Variants in ADGRL2 observed in about 807,000 individuals in gnomAD.
ADGRL2 encodes adhesion G protein-coupled receptor L2.
Under a neutral mutation model 157.4 loss-of-function variants are expected in ADGRL2, and 44 were observed. The observed-to-expected ratio is 0.28, with a 90% CI of 0.22 to 0.36. ADGRL2 has a LOEUF of 0.36. Among genes scored for constraint, ADGRL2 ranks in the 10% least tolerant of loss-of-function variants. The pLI is 1.00. For missense variants in ADGRL2, 1,510 were observed against 1,768.9 expected (o/e 0.85, Z 2.63); for synonymous variants, 585 against 624.7 (o/e 0.94, Z 0.95).
At chr1:81,511,795 G>A (rs1365573953) in intron 2 of ADGRL2, among the ~76,000 whole-genome samples, 1 of 151,810 alleles carries the variant, frequency 6.6e-6, no homozygotes, top group Non-Finnish European at 1.5e-5. Flanking sequence ...CAATGTTCCG[G>A]AATTTTTTTT....
intron 1 of ADGRL2, among the ~76,000 whole-genome samples, chr1:81,759,084 C>G (rs545367914): frequency 1.3e-5 from 2 of 152,196 alleles, no homozygotes; most frequent in East Asian, 3.9e-4. Flanking sequence ...ATATATAAGA[C>G]CTGCACTTTA....
At chr1:81,954,198 G>A (rs940650421) in intron 10 of ADGRL2, among the ~76,000 whole-genome samples, 1 of 148,812 alleles carries the variant, frequency 6.7e-6, no homozygotes, top group Non-Finnish European at 1.5e-5. Flanking sequence ...ATACATCGCA[G>A]TTGGAAAAGA....
intron 1 of ADGRL2, among the ~76,000 whole-genome samples, chr1:81,390,236 C>A (rs1434482061): frequency 1.3e-5 from 2 of 152,296 alleles, no homozygotes; most frequent in South Asian, 2.1e-4. Context: ...AAGAATGGTG[C>A]ATGTAGCAAA....
At chr1:81,480,308 G>T (rs1456573320) in intron 2 of ADGRL2, among the ~76,000 whole-genome samples, 1 of 147,734 alleles carries the variant, frequency 6.8e-6, no homozygotes, top group Admixed American at 6.9e-5. Flanking sequence ...GCTAGATAAG[G>T]TAAAAAGTCA....
At chr1:81,920,014 G>T (rs2094941438) in intron 3 of ADGRL2, among the ~76,000 whole-genome samples, 1 of 152,144 alleles carries the variant, frequency 6.6e-6, no homozygotes. Context: ...TTATGCTTGA[G>T]ACTGACAGAG....
chr1:81,575,266 C>T (rs2080775199), intron 2 of ADGRL2, among the ~76,000 whole-genome samples: 1 of 152,134 alleles, frequency 6.6e-6, no homozygotes, highest in South Asian at 2.1e-4. Context: ...TGATGAAGTA[C>T]AGATGAATGT....
intron 2 of ADGRL2, among the ~76,000 whole-genome samples, chr1:81,854,715 G>A (rs951547415): frequency 3.9e-5 from 6 of 152,124 alleles, no homozygotes; most frequent in African/African-American, 1.4e-4. Context: ...TGCATAGGTG[G>A]CATACTCAGC....
Position 81,612,733 on chromosome 1 carries a change from C to T in ADGRL2, c.-143+31753C>T, listed in dbSNP as rs75798981. On this transcript the variant is annotated intron_variant, in intron 3 of 24. Transcript: ENST00000370721. ...ACAATGACGACAAACAAACAAACCC[C>T]TGATAGCTCAATTAAGAAATAGGCT... Among the ~76,000 whole-genome samples the T allele has an allele frequency of 5.7e-3, 874 of 152,082 alleles. 5 individuals are homozygous for T. Among genetic ancestry groups the T allele is most frequent in the African/African-American group, 0.02 (826 of 41,482 alleles).
chr1:81,804,092 C>T (rs561240790), intron 1 of ADGRL2, among the ~76,000 whole-genome samples: 1 of 152,302 alleles, frequency 6.6e-6, no homozygotes, highest in Non-Finnish European at 1.5e-5. Flanking sequence ...AACATTCCAA[C>T]TTGTGATGGG....
At chr1:81,927,261 C>A (rs1312120818) in intron 3 of ADGRL2, among the ~76,000 whole-genome samples, 1 of 151,902 alleles carries the variant, frequency 6.6e-6, no homozygotes, top group East Asian at 1.9e-4. Flanking sequence ...GGAGTGAGGA[C>A]TTTCTGTTTC....
chr1:81,519,012 T>C (rs115685925), intron 2 of ADGRL2, among the ~76,000 whole-genome samples: 255 of 152,282 alleles, frequency 1.7e-3, no homozygotes, highest in African/African-American at 5.9e-3. Context: ...TTTCCCTATG[T>C]ATTTACTCAT....
intron 3 of ADGRL2, among the ~76,000 whole-genome samples, chr1:81,595,716 G>A (rs144980085): frequency 1.8e-4 from 28 of 152,318 alleles, no homozygotes; most frequent in East Asian, 1.5e-3. Flanking sequence ...ATGAGCCTGC[G>A]ATATGAATGT....
chr1:81,966,258 A>C, intron 12 of ADGRL2, 75 bp downstream of exon 12: 1 of 1,589,202 alleles, frequency 6.3e-7, no homozygotes, highest in South Asian at 1.1e-5. Flanking sequence ...AATGTATTTG[A>C]GTCCTTATAT....
intron 1 of ADGRL2, among the ~76,000 whole-genome samples, chr1:81,327,045 GA>G (rs1660951358): frequency 6.6e-6 from 1 of 152,164 alleles, no homozygotes; most frequent in South Asian, 2.1e-4. Context: ...AAAATGCTTA[GA>G]AATGAAATGA....
At chr1:81,733,116 G>A (rs2084779718) in intron 1 of ADGRL2, among the ~76,000 whole-genome samples, 1 of 152,142 alleles carries the variant, frequency 6.6e-6, no homozygotes, top group Non-Finnish European at 1.5e-5. Flanking sequence ...AGGTGATACT[G>A]GCTGATGCAT....
chr1:81,336,246 A>G (rs906590410), intron 1 of ADGRL2, among the ~76,000 whole-genome samples: 1 of 152,228 alleles, frequency 6.6e-6, no homozygotes, highest in Non-Finnish European at 1.5e-5. Context: ...TGCAAGCTAT[A>G]ATAATGCTTC....
At chr1:81,425,636 G>A (rs2077198816) in intron 1 of ADGRL2, among the ~76,000 whole-genome samples, 4 of 152,126 alleles carry the variant, frequency 2.6e-5, no homozygotes, top group South Asian at 4.1e-4. Flanking sequence ...TTCTCCACCA[G>A]GCACTACAGG....
intron 1 of ADGRL2, among the ~76,000 whole-genome samples, chr1:81,330,871 T>C (rs1570638422): frequency 6.6e-6 from 1 of 152,190 alleles, no homozygotes. Flanking sequence ...TGAACGTTGC[T>C]CAACGGATGT....
intron 1 of ADGRL2, among the ~76,000 whole-genome samples, chr1:81,320,237 A>C (rs1415888748): frequency 6.6e-6 from 1 of 152,200 alleles, no homozygotes; most frequent in Non-Finnish European, 1.5e-5. Context: ...AGTTAGTTCA[A>C]TTTGATAGTT....
Sources: gnomAD v4.1 joint callset for allele counts (sites outside exome capture counted in the v4.1 genomes callset) on GRCh38, gnomAD v4.1.1 for gene constraint, MANE v1.5 for transcripts, NCBI Gene and HGNC (gene_info 2026-07-23, HGNC 2026-07-21) for gene names.